GALNTL6: variants seen among roughly 807,000 people sequenced by gnomAD.
The protein encoded by GALNTL6 is polypeptide N-acetylgalactosaminyltransferase like 6.
In GALNTL6, 46 loss-of-function variants were observed where a neutral mutation model predicts 73.7. The observed-to-expected ratio is 0.62, with a 90% confidence interval of 0.49 to 0.80. The LOEUF (loss-of-function observed/expected upper bound fraction) is 0.80, where lower values mean the gene tolerates loss of function less well. Among genes scored for constraint, GALNTL6 ranks in the 30% least tolerant of loss-of-function variants. The pLI, the probability that GALNTL6 is intolerant of heterozygous loss-of-function variation, is 0.00. For synonymous variants in GALNTL6, 259 were observed against 263.7 expected, an observed-to-expected ratio of 0.98 and a Z score of 0.17; for missense variants, 604 against 755.0, an observed-to-expected ratio of 0.80 and a Z score of 2.34.
intron 5 of GALNTL6, among the ~76,000 whole-genome samples, chr4:172,665,844 T>C (rs1731633015): frequency 6.6e-6 from 1 of 152,194 alleles, no homozygotes; most frequent in Non-Finnish European, 1.5e-5. Flanking sequence ...TTACAAACAT[T>C]TGAACCTTTT....
chr4:172,924,392 C>T (rs1344972835), intron 8 of GALNTL6, among the ~76,000 whole-genome samples: 1 of 152,220 alleles, frequency 6.6e-6, no homozygotes, highest in Non-Finnish European at 1.5e-5. Flanking sequence ...TTAAGTGGGT[C>T]ACACATTAGA....
intron 2 of GALNTL6, among the ~76,000 whole-genome samples, chr4:172,150,296 A>C (rs1411082891): frequency 2.0e-5 from 3 of 152,242 alleles, no homozygotes. Flanking sequence ...TGTGTGGTTA[A>C]CATGTAGTTT....
intron 3 of GALNTL6, among the ~76,000 whole-genome samples, chr4:172,291,176 A>C (rs2111100073): frequency 6.6e-6 from 1 of 152,266 alleles, no homozygotes; most frequent in Middle Eastern, 3.4e-3. Context: ...GACAGCCATT[A>C]ATATCACATG....
chr4:172,493,546 G>T (rs72995069), intron 5 of GALNTL6, among the ~76,000 whole-genome samples: 1,793 of 152,114 alleles, frequency 0.012, 33 homozygotes, highest in African/African-American at 0.04. Flanking sequence ...CACTTACTTG[G>T]TACCAGGTTT....
intron 10 of GALNTL6, among the ~76,000 whole-genome samples, chr4:173,002,861 T>A (rs1214082812): frequency 6.6e-6 from 1 of 151,618 alleles, no homozygotes; most frequent in Non-Finnish European, 1.5e-5. Flanking sequence ...TGCTACAATG[T>A]TAAGTTAAAT....
intron 5 of GALNTL6, among the ~76,000 whole-genome samples, chr4:172,365,798 GGTAA>G (rs904689624): frequency 4.6e-5 from 7 of 151,846 alleles, no homozygotes; most frequent in African/African-American, 1.7e-4. Flanking sequence ...CTGTTAATTT[GGTAA>G]CCTTGACAAA....
At chr4:172,422,682 A>C (rs1731094421) in intron 5 of GALNTL6, among the ~76,000 whole-genome samples, 1 of 151,928 alleles carries the variant, frequency 6.6e-6, no homozygotes, top group Non-Finnish European at 1.5e-5. Flanking sequence ...TATATTCAGT[A>C]ATGTATTTGT....
chr4:172,340,954 A>G (rs1485731956), intron 4 of GALNTL6, among the ~76,000 whole-genome samples: 2 of 152,146 alleles, frequency 1.3e-5, no homozygotes, highest in Non-Finnish European at 2.9e-5. Context: ...ATTCCTTTAG[A>G]GTGCTCTATC....
intron 12 of GALNTL6, among the ~76,000 whole-genome samples, chr4:173,026,587 A>G (rs1338492182): frequency 6.6e-6 from 1 of 152,190 alleles, no homozygotes; most frequent in African/African-American, 2.4e-5. Flanking sequence ...AACACTTGGT[A>G]TTGTCAGTTT....
At chr4:172,374,347 T>C (rs1447672009) in intron 5 of GALNTL6, among the ~76,000 whole-genome samples, 1 of 152,174 alleles carries the variant, frequency 6.6e-6, no homozygotes, top group Admixed American at 6.5e-5. Flanking sequence ...ACAGGTTTAA[T>C]AATGCCTCCA....
At chr4:172,596,250 G>A (rs1416261670) in intron 5 of GALNTL6, among the ~76,000 whole-genome samples, 1 of 151,900 alleles carries the variant, frequency 6.6e-6, no homozygotes, top group Non-Finnish European at 1.5e-5. Flanking sequence ...GAGCTCAGGA[G>A]TTTGAGACCA....
intron 2 of GALNTL6, among the ~76,000 whole-genome samples, chr4:171,851,696 T>C (rs1735527408): frequency 1.3e-5 from 2 of 152,220 alleles, no homozygotes; most frequent in Admixed American, 1.3e-4. Context: ...AATCTTTTCA[T>C]TATTGCATGT....
intron 5 of GALNTL6, among the ~76,000 whole-genome samples, chr4:172,540,563 C>A (rs1735516564): frequency 6.6e-6 from 1 of 152,014 alleles, no homozygotes; most frequent in Non-Finnish European, 1.5e-5. Flanking sequence ...ACTAAGTGGC[C>A]CCGAGGTGGT....
At chr4:172,176,650 A>G (rs1293511288) in intron 2 of GALNTL6, among the ~76,000 whole-genome samples, 1 of 152,048 alleles carries the variant, frequency 6.6e-6, no homozygotes, top group Non-Finnish European at 1.5e-5. Flanking sequence ...TTAGATGGGC[A>G]TGGTGGTGCA....
At chr4:172,115,007 T>C (rs1484420579) in intron 2 of GALNTL6, among the ~76,000 whole-genome samples, 2 of 152,136 alleles carry the variant, frequency 1.3e-5, no homozygotes, top group Non-Finnish European at 2.9e-5. Context: ...GTTTGTGAAC[T>C]TAATAACTTT....
chr4:172,563,487 C>A (rs1353443779), intron 5 of GALNTL6, among the ~76,000 whole-genome samples: 2 of 152,314 alleles, frequency 1.3e-5, no homozygotes, highest in African/African-American at 4.8e-5. Flanking sequence ...GCTAAAATAT[C>A]CCTCAGGATA....
At chr4:171,958,722 A>C (rs1324741841) in intron 2 of GALNTL6, among the ~76,000 whole-genome samples, 1 of 152,102 alleles carries the variant, frequency 6.6e-6, no homozygotes, top group Non-Finnish European at 1.5e-5. Flanking sequence ...GTGATTGAAA[A>C]ATAAATTCTG....
At chr4:172,671,057 G>A (rs1480446258) in intron 5 of GALNTL6, among the ~76,000 whole-genome samples, 1 of 152,132 alleles carries the variant, frequency 6.6e-6, no homozygotes, top group Non-Finnish European at 1.5e-5. Flanking sequence ...CTGCAACCCT[G>A]TAGTATGGTT....
intron 2 of GALNTL6, among the ~76,000 whole-genome samples, chr4:172,038,352 T>C (rs1393665420): frequency 6.6e-6 from 1 of 152,164 alleles, no homozygotes; most frequent in African/African-American, 2.4e-5. Context: ...TTTAAATAGA[T>C]TGTCTTTTCT....
Sources: allele counts gnomAD v4.1 joint callset (sites outside exome capture counted in the v4.1 genomes callset), GRCh38; gene constraint gnomAD v4.1.1; transcripts MANE v1.5; gene names NCBI Gene and HGNC (gene_info 2026-07-23, HGNC 2026-07-21).